The following GFRA2 variants were observed in gnomAD, a reference collection of about 807,000 sequenced individuals.
The protein encoded by GFRA2 is GDNF family receptor alpha-2.
In GFRA2, 17 loss-of-function variants were observed where a neutral mutation model predicts 48.3. The ratio of observed to expected loss-of-function variants is 0.35; its 90% CI spans 0.24 to 0.53. GFRA2 has a LOEUF of 0.53. Among genes scored for constraint, GFRA2 ranks in the 20% least tolerant of loss-of-function variants. The probability of loss-of-function intolerance (pLI) is 0.93; values close to 1 mark genes in which losing one functional copy is unlikely to be tolerated. For missense variants in GFRA2, 660 were observed against 637.3 expected, an observed-to-expected ratio of 1.04 and a Z score of -0.38; for synonymous variants, 305 against 257.2, an observed-to-expected ratio of 1.19 and a Z score of -1.78.
chr8:21,782,490 C>T (rs1807042662), intron 2 of GFRA2, 95 bp downstream of exon 2: 4 of 956,754 alleles, frequency 4.2e-6, no homozygotes, highest in South Asian at 3.2e-5. Flanking sequence ...GTTTGCGCCA[C>T]CACCTAGTCC....
At chr8:21,702,700 C>G (rs1802540535) in intron 7 of GFRA2, 105 bp downstream of exon 7, 1 of 1,196,312 alleles carries the variant, frequency 8.4e-7, no homozygotes, top group Non-Finnish European at 1.1e-6. Context: ...TCTTGGGTCC[C>G]TGATCCAAAG....
intron 4 of GFRA2, among the ~76,000 whole-genome samples, chr8:21,743,693 C>T (rs1340900589): frequency 6.6e-6 from 1 of 152,168 alleles, no homozygotes; most frequent in African/African-American, 2.4e-5. Flanking sequence ...AATCTGCTGG[C>T]CCCAGGGAGG....
chr8:21,730,356 T>C (rs1585265956), intron 4 of GFRA2, among the ~76,000 whole-genome samples: 1 of 151,796 alleles, frequency 6.6e-6, no homozygotes, highest in African/African-American at 2.4e-5. Flanking sequence ...CGAGCCGAGA[T>C]AGTGCCATTG....
In GFRA2 at chr8:21,788,496, C is replaced by A. The variant is rs1466990563; in HGVS notation, c.-337G>T. ...AATCGTCCGGGAAGGCGTGAGTCCC[C>A]GCGGGTCCAATTCCCCTGCGCTTCC... On this transcript the variant is annotated 5_prime_UTR_variant, in exon 1 of 9. Transcript: ENST00000524240. 5.6e-6 allele frequency: 6 copies of A among 1,074,628 alleles called. No homozygotes were observed. Among genetic ancestry groups the A allele is most frequent in the Non-Finnish European group, 6.7e-6 (6 of 889,050 alleles). 66.6% of individuals were successfully genotyped at this position (1,074,628 alleles called of 1,614,324 possible).
chr8:21,734,029 T>G (rs1487196046), intron 4 of GFRA2, among the ~76,000 whole-genome samples: 2 of 152,178 alleles, frequency 1.3e-5, no homozygotes, highest in South Asian at 2.1e-4. Context: ...TGAGTCCTCA[T>G]GGAGAAAGGG....
chr8:21,775,090 T>C, intron 2 of GFRA2, 35 bp from the exon 3 acceptor site: 2 of 1,117,036 alleles, frequency 1.8e-6, no homozygotes, highest in Non-Finnish European at 2.7e-6. Context: ...TGCGGGCTCC[T>C]CCGGGCCAGA....
At chr8:21,804,471 C>G (rs1008373384) in intron 2 of GFRA2, among the ~76,000 whole-genome samples, 2 of 151,424 alleles carry the variant, frequency 1.3e-5, no homozygotes, top group Admixed American at 6.6e-5. Context: ...TAGATATGCC[C>G]TAGGGATGAT....
At chr8:21,754,857 T>C (rs889866087) in intron 3 of GFRA2, among the ~76,000 whole-genome samples, 1 of 152,114 alleles carries the variant, frequency 6.6e-6, no homozygotes, top group African/African-American at 2.4e-5. Context: ...TCTCTTCTTG[T>C]TATAAAAATA....
At chr8:21,732,831 A>T (rs1468196924) in intron 4 of GFRA2, among the ~76,000 whole-genome samples, 2 of 152,258 alleles carry the variant, frequency 1.3e-5, no homozygotes, top group Non-Finnish European at 2.9e-5. Context: ...TGAAAGGGAA[A>T]AGATGGACAG....
At chr8:21,797,961 C>T (rs1051338671) in intron 2 of GFRA2, among the ~76,000 whole-genome samples, 55 of 152,146 alleles carry the variant, frequency 3.6e-4, no homozygotes, top group Non-Finnish European at 6.9e-4. Flanking sequence ...CTTGCCACAA[C>T]GAGCAGCTAC....
At chr8:21,790,021 C>G, upstream of GFRA2, 1 of 973,130 alleles carries the variant, frequency 1.0e-6, no homozygotes, top group African/African-American at 1.7e-5. Context: ...TCCTCCTCCC[C>G]TAGCCGGGAA....
At chr8:21,711,405 A>C (rs1803015591) in intron 4 of GFRA2, among the ~76,000 whole-genome samples, 2 of 152,230 alleles carry the variant, frequency 1.3e-5, no homozygotes, top group Non-Finnish European at 2.9e-5. Context: ...GCTGAGACCA[A>C]GCTAAGTCTG....
At chr8:21,775,949 G>A (rs1253947393) in intron 2 of GFRA2, among the ~76,000 whole-genome samples, 3 of 151,466 alleles carry the variant, frequency 2.0e-5, no homozygotes, top group South Asian at 2.1e-4. Flanking sequence ...CTCTTGAGAC[G>A]TTATTGGTGA....
intron 4 of GFRA2, among the ~76,000 whole-genome samples, chr8:21,721,443 C>T (rs79065192): frequency 0.018 from 2,723 of 152,262 alleles, 39 homozygotes; most frequent in Middle Eastern, 0.048. Context: ...TCCAGTGGGT[C>T]CCTGTGGAGG....
Position 21,696,563 on chromosome 8 carries a change from G to C in GFRA2, c.1219-2046C>G, listed in dbSNP as rs140951300. Among the ~76,000 whole-genome samples, 198 of 152,286 alleles carry C rather than the reference G, an allele frequency of 1.3e-3. 1 individual carries two copies. The highest frequency in any genetic ancestry group is 4.4e-3 in the African/African-American group (185 of 41,574). On this transcript the variant is annotated intron_variant, in intron 7 of 8. Coordinates refer to ENST00000524240, the MANE Select transcript of GFRA2 (RefSeq NM_001495.5). ...AGACACTCTGCAGGGTTACACCCGA[G>C]GTCAGCCCATGCAGAGCAGCTGGCA... is the stretch of plus-strand genomic sequence containing the variant.
Position 21,703,024 on chromosome 8 carries a change from C to T in GFRA2, c.1046-47G>A, listed in dbSNP as rs186410732. On this transcript the variant is annotated intron_variant, in intron 6 of 8. Transcript: ENST00000524240. ...ATGCAGAGAAGTCAGAACCCACGTC[C>T]GTCACTCCTGTCCCTGCTCCTCACA... 1.2e-3 allele frequency: 1,450 copies of T among 1,237,018 alleles called. 11 individuals are homozygous for T. The African/African-American group carries it at 0.019, about 17-fold the overall frequency. The allele number at this position is 1,237,018 out of a possible 1,614,324, so 76.6% of individuals were successfully genotyped here.
intron 4 of GFRA2, among the ~76,000 whole-genome samples, chr8:21,720,090 T>G (rs927586747): frequency 2.6e-5 from 4 of 152,170 alleles, no homozygotes; most frequent in Non-Finnish European, 5.9e-5. Context: ...TCACAATCCA[T>G]GCAAACCCTA....
intron 1 of GFRA2, among the ~76,000 whole-genome samples, chr8:21,807,835 G>A (rs748678064): frequency 4.6e-5 from 7 of 152,178 alleles, no homozygotes; most frequent in Middle Eastern, 3.2e-3. Flanking sequence ...TTTCAATTCC[G>A]TCTGTAACAT....
At chr8:21,733,783 C>T (rs1040601804) in intron 4 of GFRA2, among the ~76,000 whole-genome samples, 2 of 152,202 alleles carry the variant, frequency 1.3e-5, no homozygotes, top group East Asian at 3.9e-4. Context: ...ATTTAATAGC[C>T]GACCCCGCGC....
Sources: gnomAD v4.1 joint callset for allele counts (sites outside exome capture counted in the v4.1 genomes callset) on GRCh38, gnomAD v4.1.1 for gene constraint, MANE v1.5 for transcripts, NCBI Gene and HGNC (gene_info 2026-07-23, HGNC 2026-07-21) for gene names.